OR1D2: variants seen among roughly 807,000 people sequenced by gnomAD.
OR1D2 encodes the protein olfactory receptor family 1 subfamily D member 2.
For missense variants in OR1D2, 357 were observed against 376.1 expected (o/e 0.95, Z 0.42); for synonymous variants, 157 against 153.9 (o/e 1.02, Z -0.15).
At position 3,090,867 on chromosome 17, in the gene OR1D2, T is replaced by A. The variant is rs1267808119; in HGVS notation, c.*1191A>T. ...AGCTACTCAGAGGGGTCTGGCCATG[T>A]GAATTGCCTCAGTATTCTTGGTGAG... On this transcript the variant is annotated 3_prime_UTR_variant, in exon 2 of 2. Coordinates refer to ENST00000641833, the MANE Select transcript of OR1D2 (RefSeq NM_002548.3). 2 of 152,120 alleles carry A rather than the reference T, an allele frequency of 1.3e-5. No individual in the cohort carries two copies. Among genetic ancestry groups the A allele is most frequent in the African/African-American group, 2.4e-5 (1 of 41,414 alleles). 9.4% of individuals were successfully genotyped at this position (152,120 alleles called of 1,614,324 possible). A position where few individuals can be genotyped will look rare whatever the true frequency, so the allele number is the denominator to read the frequency against.
chr17:3,093,300 A>T (rs1481329015), intron 1 of OR1D2, among the ~76,000 whole-genome samples: 1 of 152,224 alleles, frequency 6.6e-6, no homozygotes, highest in Non-Finnish European at 1.5e-5. Context: ...TATGATATGT[A>T]TATGTGTTAA....
intron 1 of OR1D2, among the ~76,000 whole-genome samples, chr17:3,097,476 A>G (rs1369614131): frequency 1.3e-5 from 2 of 152,046 alleles, no homozygotes; most frequent in Non-Finnish European, 2.9e-5. Context: ...AAGCCAAGGG[A>G]GGTGGTGAGT....
At position 3,092,032 on chromosome 17, in the gene OR1D2, T is replaced by A. The variant is rs373144998; in HGVS notation, c.*26A>T. The stretch of plus-strand genomic sequence containing the variant: ...GGTGAAGGATATTCCTAGTCTCCAC[T>A]TTAATGCTGTCTTTCCAAATTGCCC... On this transcript the variant is annotated 3_prime_UTR_variant, in exon 2 of 2. Transcript: ENST00000641833. The A allele has an allele frequency of 2.2e-5, 34 of 1,548,000 alleles. No individual in the cohort carries two copies. Among genetic ancestry groups the A allele is most frequent in the Non-Finnish European group, 2.9e-5 (33 of 1,133,310 alleles).
rs1167100705 is a variant in OR1D2 at position 3,091,324 on chromosome 17, T to A, written c.*734A>T. 6.6e-6 allele frequency: 1 copy of A among 152,232 alleles called. No individual in the cohort carries two copies. The highest frequency in any genetic ancestry group is 1.5e-5 in the Non-Finnish European group (1 of 68,026). 9.4% of individuals were successfully genotyped at this position (152,232 alleles called of 1,614,324 possible). A position where few individuals can be genotyped will look rare whatever the true frequency, so the allele number is the denominator to read the frequency against. ...CTTAAAATATTTAGTATTTTCCAAATATGTCTGTTTCTCTTTTTAATTTCA... is the reference window on the plus strand; with the variant it reads ...CTTAAAATATTTAGTATTTTCCAAAAATGTCTGTTTCTCTTTTTAATTTCA... On this transcript the variant is annotated 3_prime_UTR_variant, in exon 2 of 2. Transcript: ENST00000641833.
Position 3,089,212 on chromosome 17 carries a change from G to A in OR1D2, c.*2846C>T, listed in dbSNP as rs762138213. ...GGCTCTACCCCATCTCCTGGGGATG[G>A]GGCTTCCTGAGAGCCAAACTGCAAT... On this transcript the variant is annotated 3_prime_UTR_variant, in exon 2 of 2. Transcript: ENST00000641833. 1 of 152,206 alleles carries A rather than the reference G, an allele frequency of 6.6e-6. No homozygotes were observed. Among genetic ancestry groups the A allele is most frequent in the Non-Finnish European group, 1.5e-5 (1 of 68,054 alleles). 9.4% of individuals were successfully genotyped at this position (152,206 alleles called of 1,614,324 possible).
chr17:3,093,105 G>A (rs2047826060), intron 1 of OR1D2, 59 bp from the exon 2 acceptor site: 3 of 977,522 alleles, frequency 3.1e-6, no homozygotes, highest in African/African-American at 1.6e-5. Flanking sequence ...AATTAAGAAT[G>A]TCTTACACCC....
Position 3,091,985 on chromosome 17 carries a change from C to A in OR1D2, c.*73G>T. 8.7e-7 allele frequency: 1 copy of A among 1,146,470 alleles called. No homozygotes were observed. Among genetic ancestry groups the A allele is most frequent in the African/African-American group, 1.5e-5 (1 of 64,738 alleles). 71.0% of individuals were successfully genotyped at this position (1,146,470 alleles called of 1,614,324 possible). A position where few individuals can be genotyped will look rare whatever the true frequency, so the allele number is the denominator to read the frequency against. Reference sequence around the variant, plus strand: ...ATGTCCCAATCACTGCTGTATAACACACAGGACAATCCCTTACATAGGGTG... The same window carrying A: ...ATGTCCCAATCACTGCTGTATAACAAACAGGACAATCCCTTACATAGGGTG... On this transcript the variant is annotated 3_prime_UTR_variant, in exon 2 of 2. Coordinates refer to ENST00000641833, the MANE Select transcript of OR1D2 (RefSeq NM_002548.3).
rs535704269 is a variant in OR1D2 at position 3,089,682 on chromosome 17, G to A, written c.*2376C>T. On this transcript the variant is annotated 3_prime_UTR_variant, in exon 2 of 2. Transcript: ENST00000641833. ...GGTTGGGGCAGGGTTAGGCATGTGT[G>A]AGCTCCGACTCTCCTTCGGTGGGGC... 1 of 152,514 alleles carries A rather than the reference G, an allele frequency of 6.6e-6. No individual in the cohort carries two copies. The highest frequency in any genetic ancestry group is 2.1e-4 in the South Asian group (1 of 4,828). 9.4% of individuals were successfully genotyped at this position (152,514 alleles called of 1,614,324 possible).
Position 3,090,552 on chromosome 17 carries a change from T to G in OR1D2, c.*1506A>C, listed in dbSNP as rs1597253108. 1 of 152,278 alleles carries G rather than the reference T, an allele frequency of 6.6e-6. No homozygotes were observed. The highest frequency in any genetic ancestry group is 6.5e-5 in the Admixed American group (1 of 15,292). The allele number at this position is 152,278 out of a possible 1,614,324, so 9.4% of individuals were successfully genotyped here. On this transcript the variant is annotated 3_prime_UTR_variant, in exon 2 of 2. Transcript: ENST00000641833. ...GTAGCTTCACATTTGTGTTTGCACA[T>G]TTGAAGAAGCAGTCATCTCTTTTAG...
chr17:3,095,982 T>A (rs957227734), intron 1 of OR1D2, among the ~76,000 whole-genome samples: 2 of 152,114 alleles, frequency 1.3e-5, no homozygotes, highest in East Asian at 1.9e-4. Context: ...TAGAAATCAT[T>A]TTCTATATAT....
rs1226328495 is a variant in OR1D2 at position 3,092,235 on chromosome 17, T to C, written c.762A>G (p.Thr254=). The part of the protein sequence containing the change: ...HLGAVSLFYG[T]LCMVYLKPLH... ...GGGGCTTTAGGTATACCATACAAAG[T>C]GTCCCATAGAAGAGGGAGACTGCAC... The change falls in exon 2 of 2, where the codon ACA becomes ACG. Residue 254 remains threonine (T), a synonymous_variant. Transcript: ENST00000641833. 1.2e-6 allele frequency: 2 copies of C among 1,614,026 alleles called. No individual in the cohort carries two copies. Among genetic ancestry groups the C allele is most frequent in the Non-Finnish European group, 1.7e-6 (2 of 1,180,026 alleles).
intron 1 of OR1D2, among the ~76,000 whole-genome samples, chr17:3,097,204 G>A (rs2047850116): frequency 6.6e-6 from 1 of 152,048 alleles, no homozygotes; most frequent in East Asian, 1.9e-4. Context: ...CAGTAGTCTC[G>A]AATGATCTTT....
rs1555610838 is a variant in OR1D2 at position 3,090,822 on chromosome 17, T to TA, written c.*1235_*1236insT. 1.3e-5 allele frequency: 2 copies of TA among 148,292 alleles called. No individual in the cohort carries two copies. Among genetic ancestry groups the TA allele is most frequent in the African/African-American group, 4.9e-5 (2 of 40,672 alleles). The allele number at this position is 148,292 out of a possible 1,614,324, so 9.2% of individuals were successfully genotyped here. A position where few individuals can be genotyped will look rare whatever the true frequency, so the allele number is the denominator to read the frequency against. On this transcript the variant is annotated 3_prime_UTR_variant, in exon 2 of 2. Coordinates refer to ENST00000641833, the MANE Select transcript of OR1D2 (RefSeq NM_002548.3). ...TAAGAGCTCCCAACCATTTTCTTAT[T>TA]TTTTTTTTTTCTTGTTCTTAGCTAC...
At chr17:3,093,507 C>T (rs192375135) in intron 1 of OR1D2, among the ~76,000 whole-genome samples, 20 of 152,230 alleles carry the variant, frequency 1.3e-4, no homozygotes, top group Middle Eastern at 3.4e-3. Flanking sequence ...TAAGATAGTA[C>T]GCACTGCCAC....
chr17:3,099,645 C>G lies in OR1D2; in HGVS notation c.-51+4454G>C, dbSNP rs1300558188. ...AGTGTGCAAAATAACCAGCTAGCAT[C>G]ATGACAGGATCACATTCACACATAA... On this transcript the variant is annotated intron_variant, in intron 1 of 1. Transcript: ENST00000641833. 2.6e-5 allele frequency among the ~76,000 whole-genome samples: 4 copies of G among 152,076 alleles called. No homozygotes were observed. The East Asian group carries it at 5.8e-4, about 22-fold the overall frequency.
In OR1D2 at chr17:3,091,966, C is replaced by A; in HGVS notation, c.*92G>T. The A allele has an allele frequency of 1.1e-6, 1 of 946,280 alleles. No homozygotes were observed. The highest frequency in any genetic ancestry group is 1.6e-5 in the South Asian group (1 of 62,072). The allele number at this position is 946,280 out of a possible 1,614,324, so 58.6% of individuals were successfully genotyped here. Reference sequence around the variant, plus strand: ...CTGTCTCTGAGCTGGAGCCATGTCCCAATCACTGCTGTATAACACACAGGA... The same window carrying A: ...CTGTCTCTGAGCTGGAGCCATGTCCAAATCACTGCTGTATAACACACAGGA... On this transcript the variant is annotated 3_prime_UTR_variant, in exon 2 of 2. Coordinates refer to ENST00000641833, the MANE Select transcript of OR1D2 (RefSeq NM_002548.3).
chr17:3,095,777 G>A (rs896476087), intron 1 of OR1D2, among the ~76,000 whole-genome samples: 5 of 151,730 alleles, frequency 3.3e-5, no homozygotes, highest in Admixed American at 6.6e-5. Context: ...ATGTATCGTT[G>A]AGGCCATAGC....
At chr17:3,093,450 C>T (rs1330562074) in intron 1 of OR1D2, among the ~76,000 whole-genome samples, 1 of 152,168 alleles carries the variant, frequency 6.6e-6, no homozygotes, top group Non-Finnish European at 1.5e-5. Flanking sequence ...TGAAAGACTA[C>T]TAGAAATAGA....
chr17:3,092,604 G>C lies in OR1D2; in HGVS notation c.393C>G (p.His131Gln), dbSNP rs752109677. 13 of 1,614,028 alleles carry C rather than the reference G, an allele frequency of 8.1e-6. No homozygotes were observed. Among genetic ancestry groups the C allele is most frequent in the Non-Finnish European group, 1.1e-5 (13 of 1,180,034 alleles). Reference sequence around the variant, plus strand: ...GCTTAGGGCTCATGGCTGTGGTGTAGTGGAGGGGGCAGCAGATGGCCACAT... The same window carrying C: ...GCTTAGGGCTCATGGCTGTGGTGTACTGGAGGGGGCAGCAGATGGCCACAT... ...DRYVAICCPL[H>Q]YTTAMSPKLC... The change falls in exon 2 of 2, where the codon CAC (histidine) becomes CAG (glutamine). Residue 131 changes from histidine to glutamine, a missense_variant. His to Gln is a conservative substitution (Grantham distance 24, BLOSUM62 0). Transcript: ENST00000641833.
Sources: allele counts gnomAD v4.1 joint callset (sites outside exome capture counted in the v4.1 genomes callset), GRCh38; gene constraint gnomAD v4.1.1; transcripts MANE v1.5; gene names NCBI Gene and HGNC (gene_info 2026-07-23, HGNC 2026-07-21).